The following NEDD4L variants were observed in gnomAD, a reference collection of about 807,000 sequenced individuals.
NEDD4L encodes E3 ubiquitin-protein ligase NEDD4-like.
In NEDD4L, 54 loss-of-function variants were observed where a neutral mutation model predicts 148.9. The observed-to-expected ratio is 0.36, with a 90% CI of 0.29 to 0.45. The LOEUF is 0.45. Among genes scored for constraint, NEDD4L ranks in the 20% least tolerant of loss-of-function variants. NEDD4L has a pLI of 1.00. For missense variants in NEDD4L, 856 were observed against 1,233.8 expected (o/e 0.69, Z 4.59); for synonymous variants, 433 against 440.7 (o/e 0.98, Z 0.22).
chr18:58,220,021 T>C (rs1372453976), intron 2 of NEDD4L, among the ~76,000 whole-genome samples: 2 of 152,248 alleles, frequency 1.3e-5, no homozygotes, highest in African/African-American at 2.4e-5. Flanking sequence ...TAATCAAAGA[T>C]GATGGAAATC....
intron 1 of NEDD4L, among the ~76,000 whole-genome samples, chr18:58,089,696 A>G (rs184077561): frequency 1.3e-5 from 2 of 152,288 alleles, no homozygotes; most frequent in East Asian, 1.9e-4. Context: ...AACTAAGCAG[A>G]TATTCTTTCC....
At chr18:58,365,811 T>C (rs2046046947) in intron 20 of NEDD4L, among the ~76,000 whole-genome samples, 188 bp from the exon 21 acceptor site, 2 of 152,140 alleles carry the variant, frequency 1.3e-5, no homozygotes, top group African/African-American at 4.8e-5. Flanking sequence ...GTGTGTCCCA[T>C]CGTGACACAG....
chr18:58,082,668 C>T (rs1006236303), intron 1 of NEDD4L, among the ~76,000 whole-genome samples: 10 of 150,702 alleles, frequency 6.6e-5, no homozygotes, highest in Non-Finnish European at 1.2e-4. Flanking sequence ...TCTACTTGAG[C>T]GTCTGAGGCA....
At chr18:58,212,444 T>C (rs1416777958) in intron 2 of NEDD4L, among the ~76,000 whole-genome samples, 1 of 151,860 alleles carries the variant, frequency 6.6e-6, no homozygotes, top group East Asian at 1.9e-4. Context: ...ACAGAGTGTA[T>C]GCAGGGGAAC....
chr18:58,217,839 A>C (rs2043310509), intron 2 of NEDD4L, among the ~76,000 whole-genome samples: 1 of 152,236 alleles, frequency 6.6e-6, no homozygotes, highest in African/African-American at 2.4e-5. Context: ...TGAATTTGGA[A>C]TCATACTATG....
intron 2 of NEDD4L, among the ~76,000 whole-genome samples, chr18:58,181,001 ATAG>A (rs1471561515): frequency 6.6e-6 from 1 of 152,254 alleles, no homozygotes; most frequent in Non-Finnish European, 1.5e-5. Context: ...CACAAATCGA[ATAG>A]TCGATTGGAG....
intron 2 of NEDD4L, among the ~76,000 whole-genome samples, chr18:58,167,089 G>A (rs2036942128): frequency 6.6e-6 from 1 of 152,212 alleles, no homozygotes; most frequent in Non-Finnish European, 1.5e-5. Flanking sequence ...TTAAAAAACT[G>A]TTGTACTTAG....
chr18:58,331,665 G>A (rs2059797395), intron 11 of NEDD4L, among the ~76,000 whole-genome samples: 1 of 152,122 alleles, frequency 6.6e-6, no homozygotes. Context: ...AAGAGCAAAT[G>A]AAGTCTCAGT....
intron 2 of NEDD4L, among the ~76,000 whole-genome samples, chr18:58,211,870 TC>T (rs1011230946): frequency 1.3e-5 from 2 of 152,202 alleles, no homozygotes; most frequent in Non-Finnish European, 2.9e-5. Context: ...AGATGATAGT[TC>T]AGTACTGTTG....
At chr18:58,177,817 T>G (rs1404798404) in intron 2 of NEDD4L, among the ~76,000 whole-genome samples, 2 of 152,240 alleles carry the variant, frequency 1.3e-5, no homozygotes, top group African/African-American at 2.4e-5. Context: ...ATAAAATTAT[T>G]GAATAATTCT....
At chr18:58,167,270 T>C (rs2036969427) in intron 2 of NEDD4L, among the ~76,000 whole-genome samples, 1 of 152,216 alleles carries the variant, frequency 6.6e-6, no homozygotes, top group Non-Finnish European at 1.5e-5. Flanking sequence ...TGGTTCACCA[T>C]GTGCCTGCAC....
intron 1 of NEDD4L, chr18:58,091,058 C>T (rs1464434953): frequency 6.6e-6 from 1 of 152,206 alleles, no homozygotes; most frequent in African/African-American, 2.4e-5. Context: ...TTAAAATGTC[C>T]TTCCTTAATT....
chr18:58,277,912 T>C (rs2052385790), intron 5 of NEDD4L, among the ~76,000 whole-genome samples: 1 of 152,158 alleles, frequency 6.6e-6, no homozygotes, highest in African/African-American at 2.4e-5. Context: ...AGAAATTGCT[T>C]ATCAGTGTTT....
At chr18:58,365,248 T>G (rs533810954) in intron 20 of NEDD4L, among the ~76,000 whole-genome samples, 7 of 152,248 alleles carry the variant, frequency 4.6e-5, no homozygotes, top group African/African-American at 9.6e-5. Context: ...AAATGATCAC[T>G]GAAAATTCCA....
At chr18:58,248,682 G>A (rs2047559355) in intron 3 of NEDD4L, among the ~76,000 whole-genome samples, 1 of 152,088 alleles carries the variant, frequency 6.6e-6, no homozygotes, top group South Asian at 2.1e-4. Context: ...GGTGATAGAA[G>A]CAGTTTAAGG....
At chr18:58,096,470 C>G (rs2084419230) in intron 1 of NEDD4L, among the ~76,000 whole-genome samples, 2 of 151,648 alleles carry the variant, frequency 1.3e-5, no homozygotes, top group Non-Finnish European at 2.9e-5. Context: ...GTGGCGCAGT[C>G]TTGGCTCGCT....
chr18:58,297,769 C>T (rs1485113518), intron 5 of NEDD4L, among the ~76,000 whole-genome samples: 1 of 152,144 alleles, frequency 6.6e-6, no homozygotes, highest in Non-Finnish European at 1.5e-5. Context: ...CTTTTAAGCC[C>T]CTGCTGTGCC....
At chr18:58,293,602 A>G (rs571527239) in intron 5 of NEDD4L, among the ~76,000 whole-genome samples, 4 of 152,242 alleles carry the variant, frequency 2.6e-5, no homozygotes, top group Non-Finnish European at 5.9e-5. Flanking sequence ...TGCTGTTTTT[A>G]TTTAAAGTTT....
intron 2 of NEDD4L, among the ~76,000 whole-genome samples, chr18:58,193,500 G>A (rs1055133743): frequency 1.4e-4 from 13 of 91,376 alleles, no homozygotes; most frequent in Admixed American, 1.3e-3. Context: ...TCTTCCCCCT[G>A]ATCTTTTTTA....
Sources: allele counts gnomAD v4.1 joint callset (sites outside exome capture counted in the v4.1 genomes callset), GRCh38; gene constraint gnomAD v4.1.1; transcripts MANE v1.5; gene names NCBI Gene and HGNC (gene_info 2026-07-23, HGNC 2026-07-21).